The following NEMP2 variants were observed in gnomAD, a reference collection of about 807,000 sequenced individuals.
NEMP2 encodes UPF0571 transmembrane protein.
A neutral mutation model predicts 54.2 loss-of-function variants in NEMP2; 53 were observed. That is an observed-to-expected ratio of 0.98 (90% confidence interval 0.78 to 1.23). The LOEUF is 1.23. Ranked by LOEUF, NEMP2 falls within the 50% of genes most tolerant of loss-of-function variation. The pLI is 0.00. For missense variants in NEMP2, 455 were observed against 511.3 expected, an observed-to-expected ratio of 0.89 and a Z score of 1.06; for synonymous variants, 197 against 190.3, an observed-to-expected ratio of 1.04 and a Z score of -0.29.
rs1220350440 is a variant in NEMP2 at position 190,531,197 on chromosome 2, G to A, written c.97+3362C>T. ...CAATACCTGCCTAGGGAAAGCTACT[G>A]CTTCTACTTGAGGCTGAGGTATTTA... On this transcript the variant is annotated intron_variant, in intron 1 of 8. Coordinates refer to ENST00000409150, the MANE Select transcript of NEMP2 (RefSeq NM_001142645.2). The surrounding 1 kb of genome is among the most constrained non-coding windows in gnomAD (Gnocchi z 4.7). 6.6e-6 allele frequency among the ~76,000 whole-genome samples: 1 copy of A among 152,190 alleles called. No homozygotes were observed. The highest frequency in any genetic ancestry group is 1.5e-5 in the Non-Finnish European group (1 of 68,036).
At chr2:190,516,468 T>G in intron 5 of NEMP2, 84 bp from the exon 6 acceptor site, 8 of 998,364 alleles carry the variant, frequency 8.0e-6, no homozygotes, top group Non-Finnish European at 1.0e-5. Context: ...ACCTTTTGTA[T>G]TAGAAACTCC....
At chr2:190,595,977 T>C in the NEMP2 span, among the ~76,000 whole-genome samples, 1 of 152,122 alleles carries the variant, frequency 6.6e-6, no homozygotes, top group African/African-American at 2.4e-5. The surrounding 1 kb of genome is among the most constrained non-coding windows in gnomAD (Gnocchi z 4.0). Context: ...CTGTTCACAA[T>C]AGCAAATACT....
At chr2:190,498,935 G>C in the NEMP2 span, among the ~76,000 whole-genome samples, 6 of 151,844 alleles carry the variant, frequency 4.0e-5, no homozygotes, top group Non-Finnish European at 7.4e-5. The surrounding 1 kb of genome is among the most constrained non-coding windows in gnomAD (Gnocchi z 5.9). Flanking sequence ...GGATCACGAG[G>C]TCAGGAGTTC....
the NEMP2 span, chr2:190,610,548 TC>T: frequency 6.6e-6 from 1 of 152,298 alleles, no homozygotes; most frequent in South Asian, 2.1e-4. This position sits in a 1 kb window ranked among gnomAD's most constrained non-coding sequence, Gnocchi z 5.4. Context: ...CAAGTTTGAT[TC>T]CTTAAAGGAG....
At chr2:190,444,685 C>T in the NEMP2 span, 1 of 153,444 alleles carries the variant, frequency 6.5e-6, no homozygotes, top group Non-Finnish European at 1.4e-5. Context: ...CACACTGTAA[C>T]TCCTGAAATT....
At chr2:190,581,148 G>C in the NEMP2 span, among the ~76,000 whole-genome samples, 1 of 152,186 alleles carries the variant, frequency 6.6e-6, no homozygotes, top group Non-Finnish European at 1.5e-5. Flanking sequence ...AGTTCCCTGA[G>C]TAGGCAAAAT....
At chr2:190,486,717 A>C in the NEMP2 span, among the ~76,000 whole-genome samples, 1 of 152,204 alleles carries the variant, frequency 6.6e-6, no homozygotes, top group African/African-American at 2.4e-5. Context: ...ATTTTAAAAG[A>C]ATTTTGATCT....
the NEMP2 span, among the ~76,000 whole-genome samples, chr2:190,629,424 T>C: frequency 6.6e-6 from 1 of 152,200 alleles, no homozygotes; most frequent in Admixed American, 6.5e-5. Flanking sequence ...AGGAGTCCCT[T>C]ATCAGAGCAA....
At chr2:190,430,939 C>A in the NEMP2 span, among the ~76,000 whole-genome samples, 4 of 151,786 alleles carry the variant, frequency 2.6e-5, no homozygotes, top group African/African-American at 9.7e-5. Flanking sequence ...GGGCTCCTCA[C>A]TTCTCAGACG....
chr2:190,560,758 A>G, the NEMP2 span, among the ~76,000 whole-genome samples: 4 of 152,224 alleles, frequency 2.6e-5, no homozygotes, highest in Non-Finnish European at 5.9e-5. The surrounding 1 kb of genome is among the most constrained non-coding windows in gnomAD (Gnocchi z 5.4). Flanking sequence ...CATTTGGTTC[A>G]TTCATATAAC....
At chr2:190,503,175 C>T (rs1017271855), downstream of NEMP2, among the ~76,000 whole-genome samples, 1 of 152,206 alleles carries the variant, frequency 6.6e-6, no homozygotes, top group African/African-American at 2.4e-5. The surrounding 1 kb of genome is among the most constrained non-coding windows in gnomAD (Gnocchi z 6.3). Context: ...AATGTAGGTA[C>T]ACCAGACCCT....
the NEMP2 span, among the ~76,000 whole-genome samples, chr2:190,593,676 G>A: frequency 6.6e-6 from 1 of 152,180 alleles, no homozygotes; most frequent in Non-Finnish European, 1.5e-5. The surrounding 1 kb of genome is among the most constrained non-coding windows in gnomAD (Gnocchi z 4.5). Flanking sequence ...GACACTGAGA[G>A]ATAGTAATCT....
the NEMP2 span, among the ~76,000 whole-genome samples, chr2:190,545,608 C>T: frequency 5.7e-3 from 861 of 152,332 alleles, 13 homozygotes; most frequent in African/African-American, 0.02. Flanking sequence ...TCATGCACTT[C>T]AGAATATCCC....
chr2:190,487,689 A>G, the NEMP2 span, among the ~76,000 whole-genome samples: 1 of 152,214 alleles, frequency 6.6e-6, no homozygotes, highest in African/African-American at 2.4e-5. This position sits in a 1 kb window ranked among gnomAD's most constrained non-coding sequence, Gnocchi z 5.5. Context: ...CAAATCAACA[A>G]CATGAGAAAC....
chr2:190,520,768 A>G lies in NEMP2; in HGVS notation c.214-1585T>C, dbSNP rs1385510977. 6.6e-6 allele frequency among the ~76,000 whole-genome samples: 1 copy of G among 151,748 alleles called. No homozygotes were observed. The highest frequency in any genetic ancestry group is 2.4e-5 in the African/African-American group (1 of 41,272). ...GTCAGTACCAGACTGCAGCCCCTCC[A>G]TACATTGTGTTTCATTCATCTCACT... is the stretch of plus-strand genomic sequence containing the variant. On this transcript the variant is annotated intron_variant, in intron 2 of 8. Transcript: ENST00000409150. The surrounding 1 kb of genome is among the most constrained non-coding windows in gnomAD (Gnocchi z 5.4).
chr2:190,519,248 G>T lies in NEMP2; in HGVS notation c.214-65C>A. 8.7e-7 allele frequency: 1 copy of T among 1,154,708 alleles called. No individual in the cohort carries two copies. The highest frequency in any genetic ancestry group is 1.2e-6 in the Non-Finnish European group (1 of 815,206). The allele number at this position is 1,154,708 out of a possible 1,614,324, so 71.5% of individuals were successfully genotyped here. On this transcript the variant is annotated intron_variant, in intron 2 of 8. Transcript: ENST00000409150. The surrounding 1 kb of genome is among the most constrained non-coding windows in gnomAD (Gnocchi z 5.4). ...TTCTCTTTTTTGTTTTGGAGACAGG[G>T]TCTCCCTCTGTTGCCCAGAATGGAG... is the stretch of plus-strand genomic sequence containing the variant.
chr2:190,565,072 A>T, the NEMP2 span, among the ~76,000 whole-genome samples: 1 of 152,198 alleles, frequency 6.6e-6, no homozygotes, highest in Non-Finnish European at 1.5e-5. Flanking sequence ...TTCAAAGCTT[A>T]TGTATGGAAC....
chr2:190,603,468 C>T, the NEMP2 span, among the ~76,000 whole-genome samples: 2 of 150,852 alleles, frequency 1.3e-5, no homozygotes, highest in African/African-American at 4.9e-5. Context: ...ATCTGCCTCC[C>T]TCATCCTCAT....
the NEMP2 span, among the ~76,000 whole-genome samples, chr2:190,458,437 CA>C: frequency 6.7e-6 from 1 of 149,314 alleles, no homozygotes; most frequent in Non-Finnish European, 1.5e-5. The surrounding 1 kb of genome is among the most constrained non-coding windows in gnomAD (Gnocchi z 5.3). Flanking sequence ...CTGGAGAAAC[CA>C]ACATTGCCAA....
Sources: allele counts gnomAD v4.1 joint callset (sites outside exome capture counted in the v4.1 genomes callset), GRCh38; gene constraint gnomAD v4.1.1; non-coding constraint Gnocchi (gnomAD v3.1); transcripts MANE v1.5; gene names NCBI Gene and HGNC (gene_info 2026-07-23, HGNC 2026-07-21).